The following PCDHGA4 variants were observed in gnomAD, a reference collection of about 807,000 sequenced individuals.
The protein encoded by PCDHGA4 is protocadherin gamma-A4.
In PCDHGA4, 38 loss-of-function variants were observed where a neutral mutation model predicts 54.6. The ratio of observed to expected loss-of-function variants is 0.70; its 90% CI spans 0.54 to 0.91. The LOEUF is 0.91. Among genes scored for constraint, PCDHGA4 ranks in the 40% least tolerant of loss-of-function variants. The probability of loss-of-function intolerance (pLI) is 0.00; values close to 1 mark genes in which losing one functional copy is unlikely to be tolerated. For missense variants in PCDHGA4, 1,298 were observed against 1,220.9 expected, an observed-to-expected ratio of 1.06 and a Z score of -0.94; for synonymous variants, 511 against 512.9, an observed-to-expected ratio of 1.00 and a Z score of 0.05.
chr5:141,407,471 A>G (rs1343289603), intron 1 of PCDHGA4, among the ~76,000 whole-genome samples: 1 of 146,104 alleles, frequency 6.8e-6, no homozygotes, highest in African/African-American at 2.5e-5. Context: ...AGATGACTGA[A>G]TGGAGTATGG....
At chr5:141,488,213 C>T (rs1261280988) in intron 1 of PCDHGA4, among the ~76,000 whole-genome samples, 1 of 152,118 alleles carries the variant, frequency 6.6e-6, no homozygotes, top group Non-Finnish European at 1.5e-5. Context: ...CATATCAAGT[C>T]CCTACTGGGG....
In PCDHGA4 at chr5:141,432,122, G is replaced by C; in HGVS notation, c.2515-62685G>C. On this transcript the variant is annotated intron_variant, in intron 1 of 3. Transcript: ENST00000571252. This position sits in a 1 kb window ranked among gnomAD's most constrained non-coding sequence, Gnocchi z 6.0. ...CGACAACCCGCCGGTCTTCCCTCAG[G>C]CCTCCTATTCCGCTTATATCCCAGA... 6.2e-7 allele frequency: 1 copy of C among 1,614,052 alleles called. No homozygotes were observed. Among genetic ancestry groups the C allele is most frequent in the Non-Finnish European group, 8.5e-7 (1 of 1,180,022 alleles).
intron 1 of PCDHGA4, among the ~76,000 whole-genome samples, chr5:141,482,782 G>T (rs775083331): frequency 1.6e-4 from 25 of 152,154 alleles, no homozygotes; most frequent in Non-Finnish European, 3.2e-4. Context: ...ACCTTAAACT[G>T]TGTGTGTGGC....
intron 1 of PCDHGA4, among the ~76,000 whole-genome samples, chr5:141,447,303 C>G (rs1328783075): frequency 6.6e-6 from 1 of 151,990 alleles, no homozygotes; most frequent in Non-Finnish European, 1.5e-5. Context: ...CCACACCCGG[C>G]TAATTTTTGT....
rs750216656 is a variant in PCDHGA4 at position 141,422,121 on chromosome 5, A to G, written c.2514+64500A>G. 4.4e-6 allele frequency: 7 copies of G among 1,602,838 alleles called. No individual in the cohort carries two copies. In the Admixed American group the frequency reaches 8.8e-5, roughly 20 times the overall value. On this transcript the variant is annotated intron_variant, in intron 1 of 3. Coordinates refer to ENST00000571252, the MANE Select transcript of PCDHGA4 (RefSeq NM_018917.4). ...CTGAAATATTCCAATTGGATTCACA[A>G]ACTGGAGAAGTTCAAGTACGGGGGT...
At chr5:141,441,554 G>T (rs3805698) in intron 1 of PCDHGA4, 21,236 of 192,824 alleles carry the variant, frequency 0.11, 1,386 homozygotes, top group African/African-American at 0.18. Flanking sequence ...TCCATAGTGT[G>T]CAAGTAGACA....
Position 141,360,572 on chromosome 5 carries a change from C to G in PCDHGA4, c.2514+2951C>G, listed in dbSNP as rs962315803. ...ATTAATTTAAAAATTGGCGAATCCA[C>G]TAAGCCAGGTACAACATTTCCACTT... On this transcript the variant is annotated intron_variant, in intron 1 of 3. Coordinates refer to ENST00000571252, the MANE Select transcript of PCDHGA4 (RefSeq NM_018917.4). 2.5e-6 allele frequency: 4 copies of G among 1,613,998 alleles called. No individual in the cohort carries two copies. The South Asian group carries it at 3.3e-5, about 13-fold the overall frequency.
chr5:141,409,951 G>C (rs1480000390), intron 1 of PCDHGA4: 1 of 1,613,256 alleles, frequency 6.2e-7, no homozygotes, highest in Non-Finnish European at 8.5e-7. Flanking sequence ...GCTCTGCAGA[G>C]CCCGGCTACC....
intron 1 of PCDHGA4, chr5:141,413,378 T>G (rs2095632557): frequency 6.2e-7 from 1 of 1,613,616 alleles, no homozygotes; most frequent in Non-Finnish European, 8.5e-7. Context: ...GAGCGCGGAG[T>G]CCGCATAGTC....
intron 1 of PCDHGA4, among the ~76,000 whole-genome samples, chr5:141,472,213 C>T (rs1294676431): frequency 2.0e-5 from 3 of 152,178 alleles, no homozygotes; most frequent in African/African-American, 7.2e-5. Flanking sequence ...TAAGACCTTA[C>T]TCTCGATCAT....
intron 1 of PCDHGA4, among the ~76,000 whole-genome samples, chr5:141,386,802 A>T (rs1262742441): frequency 6.6e-6 from 1 of 152,248 alleles, no homozygotes; most frequent in East Asian, 1.9e-4. Context: ...AAAATTTATT[A>T]GATGCATAAA....
At chr5:141,413,182 G>T (rs752788034) in intron 1 of PCDHGA4, 2 of 1,604,164 alleles carry the variant, frequency 1.2e-6, no homozygotes, top group Admixed American at 3.4e-5. Flanking sequence ...TACAATGGCC[G>T]CTCAAAGGAA....
intron 1 of PCDHGA4, chr5:141,375,477 AC>A (rs768233872): frequency 3.1e-6 from 5 of 1,613,798 alleles, no homozygotes; most frequent in Non-Finnish European, 4.2e-6. Context: ...CTTGAAAACA[AC>A]CCCAGGGGTG....
At chr5:141,496,994 T>A (rs2099773177) in intron 2 of PCDHGA4, among the ~76,000 whole-genome samples, 1 of 151,862 alleles carries the variant, frequency 6.6e-6, no homozygotes, top group Non-Finnish European at 1.5e-5. Flanking sequence ...GAGACCAGCC[T>A]GGCAGCCAAC....
At chr5:141,426,925 A>G in intron 1 of PCDHGA4, 1 of 456,756 alleles carries the variant, frequency 2.2e-6, no homozygotes, top group Non-Finnish European at 4.4e-6. Flanking sequence ...GAAGCAATGG[A>G]CATGGGTGAC....
chr5:141,398,111 T>C, intron 1 of PCDHGA4: 1 of 1,594,080 alleles, frequency 6.3e-7, no homozygotes, highest in East Asian at 2.2e-5. Context: ...GTGAGCAAGC[T>C]GAGGAGAGCA....
chr5:141,423,310 G>C, intron 1 of PCDHGA4: 2 of 1,614,180 alleles, frequency 1.2e-6, no homozygotes, highest in Non-Finnish European at 1.7e-6. Context: ...GCTGTACTTG[G>C]TGGTGGCGGT....
At chr5:141,363,480 A>G (rs565177899) in intron 1 of PCDHGA4, among the ~76,000 whole-genome samples, 1 of 152,366 alleles carries the variant, frequency 6.6e-6, no homozygotes, top group East Asian at 1.9e-4. Flanking sequence ...GCTTTCCTGC[A>G]TGGATGATGA....
At position 141,511,238 on chromosome 5, in the gene PCDHGA4, G is replaced by A; in HGVS notation, c.*65G>A. ...CAACCAGCCCAGCTTCTCCTTACCT[G>A]CACCCAGGCCTCAGAGTTTCAGGGC... On this transcript the variant is annotated 3_prime_UTR_variant, in exon 4 of 4. Coordinates refer to ENST00000571252, the MANE Select transcript of PCDHGA4 (RefSeq NM_018917.4). 6.3e-7 allele frequency: 1 copy of A among 1,589,142 alleles called. No homozygotes were observed. The highest frequency in any genetic ancestry group is 2.3e-5 in the East Asian group (1 of 43,302).
Sources: allele counts gnomAD v4.1 joint callset (sites outside exome capture counted in the v4.1 genomes callset), GRCh38; gene constraint gnomAD v4.1.1; non-coding constraint Gnocchi (gnomAD v3.1); transcripts MANE v1.5; gene names NCBI Gene and HGNC (gene_info 2026-07-23, HGNC 2026-07-21).